KCNMA1: variants seen among roughly 807,000 people sequenced by gnomAD.
The protein encoded by KCNMA1 is potassium calcium-activated channel subfamily M alpha 1.
KCNMA1 carries 29 observed loss-of-function variants against 140.0 expected under a neutral mutation model. That is an observed-to-expected ratio of 0.21 (90% CI 0.15 to 0.28). KCNMA1 has a LOEUF of 0.28. Ranked by LOEUF, KCNMA1 falls within the 10% of genes least tolerant of loss-of-function variation. The probability of loss-of-function intolerance (pLI) is 1.00; values close to 1 mark genes in which losing one functional copy is unlikely to be tolerated. For missense variants in KCNMA1, 880 were observed against 1,602.2 expected (o/e 0.55, Z 7.70); for synonymous variants, 612 against 611.9 (o/e 1.00, Z 0.00).
intron 5 of KCNMA1, among the ~76,000 whole-genome samples, chr10:77,168,661 TATAATA>T (rs1230143909): frequency 2.6e-5 from 4 of 152,174 alleles, no homozygotes; most frequent in Non-Finnish European, 4.4e-5. Context: ...ACATAGCAGC[TATAATA>T]ATAATAACAA....
intron 3 of KCNMA1, among the ~76,000 whole-genome samples, chr10:77,212,495 T>C (rs1320600507): frequency 6.6e-6 from 1 of 152,160 alleles, no homozygotes; most frequent in Non-Finnish European, 1.5e-5. Flanking sequence ...TATTGGGTAC[T>C]ATGCTCGCTA....
At chr10:77,279,728 G>A (rs2154293896) in intron 2 of KCNMA1, among the ~76,000 whole-genome samples, 1 of 152,232 alleles carries the variant, frequency 6.6e-6, no homozygotes, top group South Asian at 2.1e-4. Flanking sequence ...GAACCCAATG[G>A]GAGGTAATTA....
At position 77,100,945 on chromosome 10, in the gene KCNMA1, A is replaced by C. The variant is rs555464014; in HGVS notation, c.1223+7536T>G. On this transcript the variant is annotated intron_variant, in intron 9 of 27. Coordinates refer to ENST00000286628, the MANE Select transcript of KCNMA1 (RefSeq NM_001161352.2). The stretch of plus-strand genomic sequence containing the variant: ...GGTACACAGTTCATCTCCCACCTAC[A>C]TTTCTATTCTTGTTTTCAGAACAAT... 2.0e-5 allele frequency among the ~76,000 whole-genome samples: 3 copies of C among 152,154 alleles called. No homozygotes were observed. The East Asian group carries it at 5.8e-4, about 29-fold the overall frequency.
At chr10:77,199,832 G>C (rs2154152566) in intron 3 of KCNMA1, among the ~76,000 whole-genome samples, 1 of 152,288 alleles carries the variant, frequency 6.6e-6, no homozygotes, top group African/African-American at 2.4e-5. Flanking sequence ...TAGATTGTAA[G>C]GTTGGCAAGA....
intron 3 of KCNMA1, among the ~76,000 whole-genome samples, chr10:77,232,264 G>C (rs1225041718): frequency 6.6e-6 from 1 of 152,152 alleles, no homozygotes; most frequent in Non-Finnish European, 1.5e-5. Context: ...CATTTCTGTT[G>C]GGTAAATACC....
chr10:76,883,627 C>T (rs1429630531), downstream of KCNMA1, among the ~76,000 whole-genome samples: 1 of 151,966 alleles, frequency 6.6e-6, no homozygotes, highest in Non-Finnish European at 1.5e-5. Context: ...CAAATTTCTT[C>T]TCTTCTAGAA....
chr10:77,520,267 GTCT>G (rs2052822203), intron 1 of KCNMA1, among the ~76,000 whole-genome samples: 3 of 145,678 alleles, frequency 2.1e-5, no homozygotes, highest in Non-Finnish European at 3.1e-5. Flanking sequence ...GCAGTGTGAG[GTCT>G]GGGATATGTG....
At chr10:77,086,374 TAGG>T in intron 11 of KCNMA1, 111 bp downstream of exon 11, 1 of 774,230 alleles carries the variant, frequency 1.3e-6, no homozygotes, top group Non-Finnish European at 2.3e-6. Flanking sequence ...ATTAGGTGTT[TAGG>T]AGATGACTCG....
intron 23 of KCNMA1, among the ~76,000 whole-genome samples, chr10:76,928,313 A>C (rs931562609): frequency 6.6e-6 from 1 of 151,330 alleles, no homozygotes; most frequent in African/African-American, 2.4e-5. Context: ...ACACACACGC[A>C]CATACACACA....
At chr10:77,374,683 G>A (rs573095982) in intron 2 of KCNMA1, among the ~76,000 whole-genome samples, 4 of 152,312 alleles carry the variant, frequency 2.6e-5, no homozygotes, top group African/African-American at 9.6e-5. Context: ...CAGACTTGCT[G>A]ATGCCTTGGT....
intron 5 of KCNMA1, among the ~76,000 whole-genome samples, chr10:77,157,465 TTTG>T (rs2098501680): frequency 6.9e-6 from 1 of 144,028 alleles, no homozygotes; most frequent in Non-Finnish European, 1.5e-5. Context: ...TTTGCTTTGG[TTTG>T]TTGGACACAT....
At position 77,011,866 on chromosome 10, in the gene KCNMA1, C is replaced by T; in HGVS notation, c.2092+101G>A. ...TGAAACATAAACATACTCAAGAAAA[C>T]TCTCGATGTTTAGTGTTTCTCTAAT... is the stretch of plus-strand genomic sequence containing the variant. On this transcript the variant is annotated intron_variant, in intron 18 of 27. Transcript: ENST00000286628. The T allele has an allele frequency of 5.0e-6, 5 of 1,007,454 alleles. No individual in the cohort carries two copies. The South Asian group carries it at 6.5e-5, about 13-fold the overall frequency. The allele number at this position is 1,007,454 out of a possible 1,614,324, so 62.4% of individuals were successfully genotyped here.
chr10:77,344,211 G>A (rs1223513222), intron 2 of KCNMA1, among the ~76,000 whole-genome samples: 2 of 152,200 alleles, frequency 1.3e-5, no homozygotes, highest in Admixed American at 1.3e-4. Flanking sequence ...GGACACTAAT[G>A]GAGACAGCAG....
rs146318932 is a variant in KCNMA1 at position 76,996,622 on chromosome 10, G to C, written c.2266+4785C>G. ...GGATATTGACACAGAGAGAGAGAGA[G>C]AGCGCACTCACATCAGCACGGCAAG... is the stretch of plus-strand genomic sequence containing the variant. On this transcript the variant is annotated intron_variant, in intron 19 of 27. Transcript: ENST00000286628. 5.9e-5 allele frequency among the ~76,000 whole-genome samples: 9 copies of C among 152,340 alleles called. No homozygotes were observed. In the East Asian group the frequency reaches 1.5e-3, roughly 26 times the overall value.
chr10:76,980,190 G>C (rs1022106952), intron 19 of KCNMA1: 1 of 152,206 alleles, frequency 6.6e-6, no homozygotes, highest in Non-Finnish European at 1.5e-5. Flanking sequence ...TTGCGTCATA[G>C]CTGCACTCAT....
At chr10:77,109,708 A>G (rs2097275508) in intron 8 of KCNMA1, among the ~76,000 whole-genome samples, 1 of 152,132 alleles carries the variant, frequency 6.6e-6, no homozygotes, top group Non-Finnish European at 1.5e-5. Context: ...CCTTCTCTTT[A>G]GGGCAGGCCC....
At chr10:77,199,268 G>A (rs1364070490) in intron 3 of KCNMA1, among the ~76,000 whole-genome samples, 2 of 151,908 alleles carry the variant, frequency 1.3e-5, no homozygotes, top group African/African-American at 4.8e-5. Flanking sequence ...TTTTTTCTTT[G>A]GTGACAGGCA....
chr10:77,353,485 T>C (rs73286068), intron 2 of KCNMA1, among the ~76,000 whole-genome samples: 2,045 of 152,194 alleles, frequency 0.013, 44 homozygotes, highest in African/African-American at 0.047. Context: ...ACAATATATA[T>C]GCAAAGTCTC....
intron 12 of KCNMA1, among the ~76,000 whole-genome samples, chr10:77,082,748 T>C (rs865923619): frequency 6.6e-6 from 1 of 152,170 alleles, no homozygotes; most frequent in South Asian, 2.1e-4. Context: ...TTCCACCCTC[T>C]CTCTGCAGCC....
Sources: gnomAD v4.1 joint callset for allele counts (sites outside exome capture counted in the v4.1 genomes callset) on GRCh38, gnomAD v4.1.1 for gene constraint, MANE v1.5 for transcripts, NCBI Gene and HGNC (gene_info 2026-07-23, HGNC 2026-07-21) for gene names.